The following RPTOR variants were observed in gnomAD, a reference collection of about 807,000 sequenced individuals.
RPTOR encodes the protein regulatory-associated protein of mTOR.
A neutral mutation model predicts 169.9 loss-of-function variants in RPTOR; 21 were observed. The ratio of observed to expected loss-of-function variants is 0.12; its 90% CI spans 0.09 to 0.18. The LOEUF (loss-of-function observed/expected upper bound fraction) is 0.18, where lower values mean the gene tolerates loss of function less well. Among genes scored for constraint, RPTOR ranks in the 10% least tolerant of loss-of-function variants. The probability of loss-of-function intolerance (pLI) is 1.00; values close to 1 mark genes in which losing one functional copy is unlikely to be tolerated. For synonymous variants in RPTOR, 732 were observed against 753.2 expected (o/e 0.97, Z 0.46); for missense variants, 1,133 against 1,855.9 (o/e 0.61, Z 7.16).
At chr17:80,829,725 C>A (rs1347735427) in intron 9 of RPTOR, among the ~76,000 whole-genome samples, 15 of 152,252 alleles carry the variant, frequency 9.9e-5, no homozygotes, top group Non-Finnish European at 1.5e-5. Context: ...CCCCACTCTT[C>A]TTCCTCAGCC....
At chr17:80,866,178 TATA>T (rs1433026828) in intron 13 of RPTOR, among the ~76,000 whole-genome samples, 1 of 148,928 alleles carries the variant, frequency 6.7e-6, no homozygotes, top group Non-Finnish European at 1.5e-5. Flanking sequence ...AGTATGTATA[TATA>T]ATATATAATA....
At chr17:80,607,896 A>G (rs1125587) in intron 1 of RPTOR, among the ~76,000 whole-genome samples, 22,713 of 152,182 alleles carry the variant, frequency 0.15, 2,518 homozygotes, top group African/African-American at 0.31. Flanking sequence ...ATAAAACCCA[A>G]GGCTAGGCAT....
intron 3 of RPTOR, among the ~76,000 whole-genome samples, chr17:80,679,974 T>C (rs1184422763): frequency 6.6e-6 from 1 of 151,668 alleles, no homozygotes; most frequent in African/African-American, 2.4e-5. Context: ...GAGGAAGACC[T>C]CCCCCAGAGT....
At chr17:80,611,162 A>G (rs560797884) in intron 1 of RPTOR, among the ~76,000 whole-genome samples, 2 of 152,190 alleles carry the variant, frequency 1.3e-5, no homozygotes, top group African/African-American at 4.8e-5. Flanking sequence ...CACACTCACC[A>G]CTTTGACACA....
intron 3 of RPTOR, among the ~76,000 whole-genome samples, chr17:80,698,251 G>A (rs983416001): frequency 5.9e-5 from 9 of 152,304 alleles, no homozygotes; most frequent in African/African-American, 2.2e-4. Flanking sequence ...GCCACGTGAG[G>A]CCAGTGCGGG....
Position 80,844,882 on chromosome 17 carries a change from C to T in RPTOR, c.1213-1591C>T, listed in dbSNP as rs1420483545. On this transcript the variant is annotated intron_variant, in intron 10 of 33. Transcript: ENST00000306801. The surrounding 1 kb of genome is among the most constrained non-coding windows in gnomAD (Gnocchi z 4.7). Reference sequence around the variant, plus strand: ...TCCTCCCGACCTCCTCTCAGAGACACGCACCTCCACTGCGGCCACCCACCT... The same window carrying T: ...TCCTCCCGACCTCCTCTCAGAGACATGCACCTCCACTGCGGCCACCCACCT... 2.0e-5 allele frequency among the ~76,000 whole-genome samples: 3 copies of T among 152,146 alleles called. No individual in the cohort carries two copies. The highest frequency in any genetic ancestry group is 1.3e-4 in the Admixed American group (2 of 15,282).
intron 9 of RPTOR, among the ~76,000 whole-genome samples, chr17:80,825,407 CTTTCTA>C (rs2067431178): frequency 6.6e-6 from 1 of 152,248 alleles, no homozygotes; most frequent in African/African-American, 2.4e-5. Context: ...CTAGAGACTG[CTTTCTA>C]GGACTGGCCC....
At chr17:80,896,496 A>C (rs112661218) in intron 20 of RPTOR, among the ~76,000 whole-genome samples, 57,338 of 87,058 alleles carry the variant, frequency 0.66, 17,911 homozygotes, top group Non-Finnish European at 0.71. Context: ...GCACCGACAC[A>C]CCCCACGGCC....
rs1264173470 is a variant in RPTOR, at chr17:80,878,268, C to T, written c.1510-2147C>T. Among the ~76,000 whole-genome samples, 1 of 152,214 alleles carries T rather than the reference C, an allele frequency of 6.6e-6. No individual in the cohort carries two copies. Among genetic ancestry groups the T allele is most frequent in the Non-Finnish European group, 1.5e-5 (1 of 68,046 alleles). ...GTGGGTCCCTCTCCAAGAAACACAG[C>T]ATCCATGATTTGTACATCGCACTGC... On this transcript the variant is annotated intron_variant, in intron 13 of 33. Transcript: ENST00000306801. The surrounding 1 kb of genome is among the most constrained non-coding windows in gnomAD (Gnocchi z 4.1).
chr17:80,610,868 A>C (rs2065265426), intron 1 of RPTOR, among the ~76,000 whole-genome samples: 1 of 152,348 alleles, frequency 6.6e-6, no homozygotes, highest in Non-Finnish European at 1.5e-5. Context: ...AGGGAAGATA[A>C]TGTGTCAGAC....
Position 80,823,050 on chromosome 17 carries a change from A to G in RPTOR, c.992-29A>G. On this transcript the variant is annotated intron_variant, in intron 8 of 33. Coordinates refer to ENST00000306801, the MANE Select transcript of RPTOR (RefSeq NM_020761.3). This position sits in a 1 kb window ranked among gnomAD's most constrained non-coding sequence, Gnocchi z 4.5. ...AAATGCTAGACACAAGTCACTGTAG[A>G]CTCCTTTTTATCTTTTATCTGCCCT... The G allele has an allele frequency of 6.2e-7, 1 of 1,607,488 alleles. No individual in the cohort carries two copies. Among genetic ancestry groups the G allele is most frequent in the Non-Finnish European group, 8.5e-7 (1 of 1,176,800 alleles).
intron 1 of RPTOR, among the ~76,000 whole-genome samples, chr17:80,589,011 A>T (rs2065083971): frequency 6.6e-6 from 1 of 152,174 alleles, no homozygotes; most frequent in South Asian, 2.1e-4. Context: ...GTACCCTAAA[A>T]GCTTCATAGT....
intron 3 of RPTOR, 107 bp downstream of exon 3, chr17:80,643,917 C>G: frequency 1.2e-6 from 1 of 850,108 alleles, no homozygotes; most frequent in East Asian, 2.6e-5. Context: ...CACACCCTGC[C>G]CTTGTGTGGC....
In RPTOR at chr17:80,562,527, T is replaced by C. The variant is rs1225902522; in HGVS notation, c.162+16736T>C. Among the ~76,000 whole-genome samples, 1 of 152,244 alleles carries C rather than the reference T, an allele frequency of 6.6e-6. No individual in the cohort carries two copies. Among genetic ancestry groups the C allele is most frequent in the Non-Finnish European group, 1.5e-5 (1 of 68,050 alleles). ...GGCCGGGAGCAGTGGCTCATGCGTG[T>C]AATCCCAGCACTTTGGGAGGCTGAG... On this transcript the variant is annotated intron_variant, in intron 1 of 33. Transcript: ENST00000306801. This position sits in a 1 kb window ranked among gnomAD's most constrained non-coding sequence, Gnocchi z 4.4.
intron 1 of RPTOR, among the ~76,000 whole-genome samples, chr17:80,570,203 G>T (rs8080678): frequency 0.33 from 49,538 of 151,770 alleles, 8,605 homozygotes; most frequent in Admixed American, 0.43. Context: ...TTGTCTTCCC[G>T]CTCAGGGACC....
intron 10 of RPTOR, among the ~76,000 whole-genome samples, chr17:80,842,202 C>G (rs912878139): frequency 1.3e-5 from 2 of 152,222 alleles, no homozygotes; most frequent in Non-Finnish European, 2.9e-5. Flanking sequence ...CACATCAGAG[C>G]CTGAGACAAA....
chr17:80,796,476 G>A (rs1045352943), intron 7 of RPTOR, among the ~76,000 whole-genome samples: 9 of 152,202 alleles, frequency 5.9e-5, no homozygotes, highest in African/African-American at 1.2e-4. Flanking sequence ...GCAGGAGAGC[G>A]AGAGCACACC....
Position 80,844,642 on chromosome 17 carries a change from G to A in RPTOR, c.1213-1831G>A, listed in dbSNP as rs746789184. Among the ~76,000 whole-genome samples the A allele has an allele frequency of 1.3e-5, 2 of 152,226 alleles. No individual in the cohort carries two copies. The highest frequency in any genetic ancestry group is 4.8e-5 in the African/African-American group (2 of 41,468). ...CTGTAAGCTGGCTGCACAGGAGCACGGATTCCTACGTGGTGAATGTTCTCG... is the reference window on the plus strand; with the variant it reads ...CTGTAAGCTGGCTGCACAGGAGCACAGATTCCTACGTGGTGAATGTTCTCG... On this transcript the variant is annotated intron_variant, in intron 10 of 33. Coordinates refer to ENST00000306801, the MANE Select transcript of RPTOR (RefSeq NM_020761.3). This position sits in a 1 kb window ranked among gnomAD's most constrained non-coding sequence, Gnocchi z 4.7.
chr17:80,753,900 A>T, intron 5 of RPTOR, 110 bp from the exon 6 acceptor site: 1 of 1,037,942 alleles, frequency 9.6e-7, no homozygotes, highest in Non-Finnish European at 1.5e-6. Flanking sequence ...GTGAAAACTC[A>T]CAGCCTGAGT....
Sources: allele counts gnomAD v4.1 joint callset (sites outside exome capture counted in the v4.1 genomes callset), GRCh38; gene constraint gnomAD v4.1.1; non-coding constraint Gnocchi (gnomAD v3.1); transcripts MANE v1.5; gene names NCBI Gene and HGNC (gene_info 2026-07-23, HGNC 2026-07-21).